NFXL1: variants seen among roughly 807,000 people sequenced by gnomAD.
NFXL1 encodes the protein nuclear transcription factor, X-box binding like 1.
NFXL1 carries 66 observed loss-of-function variants against 123.3 expected under a neutral mutation model. That is an observed-to-expected ratio of 0.54 (90% CI 0.44 to 0.66). NFXL1 has a LOEUF of 0.66. NFXL1 is among the 30% of genes least tolerant of loss of function. NFXL1 has a pLI of 0.00. For missense variants in NFXL1, 944 were observed against 1,125.6 expected (o/e 0.84, Z 2.31); for synonymous variants, 346 against 360.8 (o/e 0.96, Z 0.46).
At position 47,896,576 on chromosome 4, in the gene NFXL1, T is replaced by C. The variant is rs1427233431; in HGVS notation, c.1276A>G (p.Ile426Val). Residue 426 changes from isoleucine to valine, a missense_variant, in exon 10 of 23, where the codon ATC (isoleucine) becomes GTC (valine). By Grantham distance (29) the Ile-to-Val change is conservative. Coordinates refer to ENST00000507489, the MANE Select transcript of NFXL1 (RefSeq NM_001278624.2). The part of the protein sequence containing the change: ...DSCDKVLECG[I>V]HRCSQRCHRG... ...TGACAACGCTGTGAACATCTATGGA[T>C]TCCGCATTCAAGTACTTTGTCACAA... 6.2e-7 allele frequency: 1 copy of C among 1,613,220 alleles called. No individual in the cohort carries two copies. Among genetic ancestry groups the C allele is most frequent in the Admixed American group, 1.7e-5 (1 of 59,986 alleles).
Position 47,900,469 on chromosome 4 carries a change from C to A in NFXL1, c.648-921G>T, listed in dbSNP as rs949666738. On this transcript the variant is annotated intron_variant, in intron 5 of 22. Coordinates refer to ENST00000507489, the MANE Select transcript of NFXL1 (RefSeq NM_001278624.2). ...AAGTGATTCACCAGCCTTGGCCTCC[C>A]AAAGTGCTGGGATTACAGGCGTGAG... is the stretch of plus-strand genomic sequence containing the variant. 1.2e-4 allele frequency among the ~76,000 whole-genome samples: 18 copies of A among 152,288 alleles called. 1 individual carries two copies. The highest frequency in any genetic ancestry group is 1.2e-3 in the Admixed American group (18 of 15,300).
chr4:47,892,133 AG>A (rs1736810758), intron 11 of NFXL1, among the ~76,000 whole-genome samples: 1 of 152,208 alleles, frequency 6.6e-6, no homozygotes, highest in South Asian at 2.1e-4. Context: ...TCAAACCACT[AG>A]AAAACCACAT....
rs148360415 is a variant in NFXL1 at position 47,914,396 on chromosome 4, T to C, written c.-34A>G. 2,333 of 542,960 alleles carry C rather than the reference T, an allele frequency of 4.3e-3. 9 individuals are homozygous for C. Among genetic ancestry groups the C allele is most frequent in the Non-Finnish European group, 5.9e-3 (1,789 of 305,472 alleles). The allele number at this position is 542,960 out of a possible 1,614,324, so 33.6% of individuals were successfully genotyped here. A position where few individuals can be genotyped will look rare whatever the true frequency, so the allele number is the denominator to read the frequency against. On this transcript the variant is annotated 5_prime_UTR_variant, in exon 1 of 23. Coordinates refer to ENST00000507489, the MANE Select transcript of NFXL1 (RefSeq NM_001278624.2). Reference sequence around the variant, plus strand: ...GCGAGTCCCCGCCAAGCCCGGGCTTTGGAGATGGACCGAAGAGGGGAGGGA... The same window carrying C: ...GCGAGTCCCCGCCAAGCCCGGGCTTCGGAGATGGACCGAAGAGGGGAGGGA...
intron 18 of NFXL1, among the ~76,000 whole-genome samples, chr4:47,869,908 G>A (rs1444329101): frequency 1.3e-5 from 2 of 151,726 alleles, no homozygotes; most frequent in South Asian, 2.1e-4. Context: ...TTTTAATCAC[G>A]GTAAGCAACT....
At chr4:47,864,754 T>A (rs1734956402) in intron 18 of NFXL1, among the ~76,000 whole-genome samples, 1 of 152,188 alleles carries the variant, frequency 6.6e-6, no homozygotes, top group Non-Finnish European at 1.5e-5. Context: ...GGGGTAGGAA[T>A]GGAATCACCA....
At chr4:47,886,083 C>A in intron 12 of NFXL1, 84 bp from the exon 13 acceptor site, 1 of 1,185,644 alleles carries the variant, frequency 8.4e-7, no homozygotes, top group Non-Finnish European at 1.2e-6. Flanking sequence ...TTAGTATATT[C>A]ACACAATGGG....
rs774218501 is a variant in NFXL1, at chr4:47,886,011, GTC to G, written c.1544-14_1544-13del. The G allele has an allele frequency of 6.2e-7, 1 of 1,604,578 alleles. No homozygotes were observed. Among genetic ancestry groups the G allele is most frequent in the South Asian group, 1.1e-5 (1 of 89,092 alleles). ...GGGATAGCAACTGCCTGAAAAAAAA[GTC>G]TGACAATTAAAAAGTTTCCTTAACT... On this transcript the variant is annotated splice_polypyrimidine_tract_variant and intron_variant, in intron 12 of 22. Transcript: ENST00000507489.
chr4:47,853,683 A>G (rs1734251637), intron 20 of NFXL1, among the ~76,000 whole-genome samples: 1 of 152,172 alleles, frequency 6.6e-6, no homozygotes, highest in African/African-American at 2.4e-5. Context: ...GCCTAAGCTA[A>G]GCGAGGGTAC....
At chr4:47,881,257 G>C (rs1736100972) in intron 15 of NFXL1, among the ~76,000 whole-genome samples, 1 of 152,046 alleles carries the variant, frequency 6.6e-6, no homozygotes, top group Admixed American at 6.6e-5. Context: ...TAATTGCCCT[G>C]ATCTGATCAC....
At chr4:47,891,463 C>A (rs778142978) in intron 11 of NFXL1, among the ~76,000 whole-genome samples, 7 of 152,136 alleles carry the variant, frequency 4.6e-5, no homozygotes, top group Non-Finnish European at 1.0e-4. Context: ...AGAAGAGAAG[C>A]AGAGATAGGC....
intron 21 of NFXL1, 22 bp from the exon 22 acceptor site, chr4:47,851,170 T>G: frequency 6.4e-7 from 1 of 1,571,920 alleles, no homozygotes; most frequent in Non-Finnish European, 8.8e-7. Flanking sequence ...CATACAAAAG[T>G]CAATTTACAA....
chr4:47,878,456 TG>T, intron 17 of NFXL1, 68 bp downstream of exon 17: 2 of 1,175,176 alleles, frequency 1.7e-6, no homozygotes, highest in Non-Finnish European at 2.3e-6. Flanking sequence ...AAAATATTTA[TG>T]GTATAACTGT....
In NFXL1 at chr4:47,852,046, T is replaced by C. The variant is rs1000447646; in HGVS notation, c.2422-104A>G. ...TGATAGCTTAAGGTTATAAGTATTA[T>C]TTGATGTCTTAATATTTAATGATGA... On this transcript the variant is annotated intron_variant, in intron 20 of 22. Coordinates refer to ENST00000507489, the MANE Select transcript of NFXL1 (RefSeq NM_001278624.2). 6.0e-6 allele frequency: 4 copies of C among 663,790 alleles called. No individual in the cohort carries two copies. The Admixed American group carries it at 7.3e-5, about 12-fold the overall frequency. The allele number at this position is 663,790 out of a possible 1,614,324, so 41.1% of individuals were successfully genotyped here. A position where few individuals can be genotyped will look rare whatever the true frequency, so the allele number is the denominator to read the frequency against.
At chr4:47,880,984 T>TA (rs1184688710) in intron 15 of NFXL1, among the ~76,000 whole-genome samples, 4 of 151,884 alleles carry the variant, frequency 2.6e-5, no homozygotes, top group Non-Finnish European at 4.4e-5. Flanking sequence ...AGAGATTTGT[T>TA]AAAAAACAAA....
intron 18 of NFXL1, among the ~76,000 whole-genome samples, chr4:47,866,592 C>T (rs771621639): frequency 2.0e-5 from 3 of 152,260 alleles, no homozygotes; most frequent in Non-Finnish European, 4.4e-5. Flanking sequence ...CATAATATTC[C>T]AAACTGAATT....
chr4:47,901,789 T>C (rs1028973885), intron 5 of NFXL1, among the ~76,000 whole-genome samples: 1 of 152,190 alleles, frequency 6.6e-6, no homozygotes, highest in Non-Finnish European at 1.5e-5. Flanking sequence ...AACTTCAATA[T>C]CCCCACTGGT....
chr4:47,864,231 C>G (rs1181633359), intron 18 of NFXL1, among the ~76,000 whole-genome samples: 1 of 152,072 alleles, frequency 6.6e-6, no homozygotes, highest in Admixed American at 6.6e-5. Flanking sequence ...AGTTCTATAT[C>G]TTTTACATCC....
chr4:47,874,013 G>A (rs138691381), intron 18 of NFXL1, among the ~76,000 whole-genome samples: 3 of 152,272 alleles, frequency 2.0e-5, no homozygotes, highest in African/African-American at 7.2e-5. Flanking sequence ...ACCAACCTAT[G>A]CTGCCTTCAA....
At chr4:47,886,192 T>G (rs1736419203) in intron 12 of NFXL1, among the ~76,000 whole-genome samples, 193 bp from the exon 13 acceptor site, 2 of 152,120 alleles carry the variant, frequency 1.3e-5, no homozygotes, top group South Asian at 4.1e-4. Flanking sequence ...ATGATTCCAT[T>G]TATATAAAGT....
Sources: allele counts gnomAD v4.1 joint callset (sites outside exome capture counted in the v4.1 genomes callset), GRCh38; gene constraint gnomAD v4.1.1; transcripts MANE v1.5; gene names NCBI Gene and HGNC (gene_info 2026-07-23, HGNC 2026-07-21).